Variants in WIF1 observed in about 807,000 individuals in gnomAD.
The protein encoded by WIF1 is Wnt inhibitory factor 1.
In WIF1, 35 loss-of-function variants were observed where a neutral mutation model predicts 53.5. The ratio of observed to expected loss-of-function variants is 0.65; its 90% CI spans 0.50 to 0.87. The LOEUF (loss-of-function observed/expected upper bound fraction) is 0.87, where lower values mean the gene tolerates loss of function less well. Ranked by LOEUF, WIF1 falls within the 40% of genes least tolerant of loss-of-function variation. The pLI is 0.00. For missense variants in WIF1, 467 were observed against 476.8 expected (o/e 0.98, Z 0.19); for synonymous variants, 171 against 170.4 (o/e 1.00, Z -0.03).
chr12:65,066,796 G>T, intron 5 of WIF1, 60 bp from the exon 6 acceptor site: 1 of 1,284,888 alleles, frequency 7.8e-7, no homozygotes, highest in Non-Finnish European at 1.1e-6. Context: ...GGACCATTTT[G>T]AAATGTCAAT....
intron 2 of WIF1, among the ~76,000 whole-genome samples, chr12:65,105,745 G>A (rs548034188): frequency 6.6e-6 from 1 of 152,086 alleles, no homozygotes; most frequent in Non-Finnish European, 1.5e-5. Context: ...GATTCATGAG[G>A]GATCTGCCCC....
At chr12:65,066,002 A>G (rs1242236386) in intron 6 of WIF1, among the ~76,000 whole-genome samples, 2 of 152,318 alleles carry the variant, frequency 1.3e-5, no homozygotes, top group East Asian at 1.9e-4. Context: ...AGGTTAGGCA[A>G]TGTAGAGCAG....
intron 2 of WIF1, among the ~76,000 whole-genome samples, chr12:65,092,442 A>ATATATGTATATATATACACATGTATATG (rs1565756840): frequency 5.3e-5 from 8 of 149,552 alleles, no homozygotes; most frequent in African/African-American, 9.9e-5. Flanking sequence ...ATGTGTATAT[A>ATATATGTATATATATACACATGTATATG]TATATGTATA....
intron 1 of WIF1, 135 bp from the exon 2 acceptor site, chr12:65,120,691 A>G: frequency 9.9e-7 from 1 of 1,011,154 alleles, no homozygotes; most frequent in Non-Finnish European, 1.4e-6. Context: ...CAGTACCATC[A>G]ACGCTACTAA....
At chr12:65,103,116 TG>T (rs1158068766) in intron 2 of WIF1, among the ~76,000 whole-genome samples, 1 of 152,250 alleles carries the variant, frequency 6.6e-6, no homozygotes, top group Non-Finnish European at 1.5e-5. Flanking sequence ...CTATAAATCA[TG>T]AACACACAAA....
At chr12:65,089,434 T>A (rs1170025955) in intron 2 of WIF1, among the ~76,000 whole-genome samples, 1 of 152,124 alleles carries the variant, frequency 6.6e-6, no homozygotes, top group African/African-American at 2.4e-5. Context: ...CCAGATTTAT[T>A]CCCTCAATCG....
chr12:65,097,545 T>A (rs1395168701), intron 2 of WIF1, among the ~76,000 whole-genome samples: 10 of 152,196 alleles, frequency 6.6e-5, no homozygotes, highest in Admixed American at 5.9e-4. Context: ...TAGATATTCC[T>A]GTTAGTGACT....
intron 7 of WIF1, among the ~76,000 whole-genome samples, chr12:65,061,728 A>G (rs1882615170): frequency 6.6e-6 from 1 of 152,244 alleles, no homozygotes; most frequent in Non-Finnish European, 1.5e-5. Flanking sequence ...CATAGTGTGT[A>G]CCAATCTTAA....
chr12:65,096,115 C>G (rs1044821926), intron 2 of WIF1, among the ~76,000 whole-genome samples: 1 of 152,108 alleles, frequency 6.6e-6, no homozygotes, highest in African/African-American at 2.4e-5. Context: ...TTGCAATATA[C>G]CCATCTGACA....
Position 65,056,068 on chromosome 12 carries a change from C to T in WIF1, c.885G>A (p.Lys295=). ...GGKCIGKSKC[K]CSKGYQGDLC... ...GGTCTCCCTGGTAACCTTTGGAACA[C>T]TTACATTTGCTTTTACCAATGCATT... is the stretch of plus-strand genomic sequence containing the variant. The change falls in exon 8 of 10, where the codon AAG becomes AAA. Residue 295 remains lysine, a synonymous_variant. Transcript: ENST00000286574. 1 of 1,614,158 alleles carries T rather than the reference C, an allele frequency of 6.2e-7. No individual in the cohort carries two copies. Among genetic ancestry groups the T allele is most frequent in the South Asian group, 1.1e-5 (1 of 91,080 alleles).
intron 2 of WIF1, among the ~76,000 whole-genome samples, chr12:65,090,072 A>G (rs1207226215): frequency 6.6e-6 from 1 of 152,320 alleles, no homozygotes; most frequent in East Asian, 1.9e-4. Context: ...TCAATGAAAC[A>G]GAAGTTCAAG....
At chr12:65,071,473 C>G (rs1188206803) in intron 3 of WIF1, among the ~76,000 whole-genome samples, 1 of 152,006 alleles carries the variant, frequency 6.6e-6, no homozygotes, top group Non-Finnish European at 1.5e-5. Flanking sequence ...TCTTCATTTT[C>G]TTAGTAAACC....
At chr12:65,100,366 C>G (rs992710382) in intron 2 of WIF1, among the ~76,000 whole-genome samples, 1 of 152,116 alleles carries the variant, frequency 6.6e-6, no homozygotes, top group African/African-American at 2.4e-5. Flanking sequence ...GTATAAAATT[C>G]CCACTGAGAA....
intron 6 of WIF1, 40 bp downstream of exon 6, chr12:65,066,601 A>G (rs1366200198): frequency 6.5e-7 from 1 of 1,534,586 alleles, no homozygotes; most frequent in Non-Finnish European, 8.9e-7. Flanking sequence ...CAAACATTTT[A>G]AAAGTAAAAA....
chr12:65,086,469 T>G (rs1592396328), intron 2 of WIF1, among the ~76,000 whole-genome samples: 1 of 152,102 alleles, frequency 6.6e-6, no homozygotes, highest in East Asian at 1.9e-4. Flanking sequence ...ACAAGTGGTG[T>G]GGTTGACACT....
intron 2 of WIF1, among the ~76,000 whole-genome samples, chr12:65,108,209 T>C (rs1364536558): frequency 6.6e-6 from 1 of 152,236 alleles, no homozygotes; most frequent in African/African-American, 2.4e-5. Flanking sequence ...GCAAGCATCA[T>C]ATCCAATTTA....
At chr12:65,072,574 C>T (rs1565751815) in intron 3 of WIF1, among the ~76,000 whole-genome samples, 1 of 152,054 alleles carries the variant, frequency 6.6e-6, no homozygotes, top group Non-Finnish European at 1.5e-5. Context: ...CAACCATATA[C>T]CTTGTGTGCA....
intron 2 of WIF1, among the ~76,000 whole-genome samples, chr12:65,116,313 G>A (rs571195011): frequency 1.3e-5 from 2 of 152,194 alleles, no homozygotes; most frequent in South Asian, 2.1e-4. Flanking sequence ...TCGCATTACC[G>A]CCTGAGCTCT....
At chr12:65,099,148 A>G (rs920704757) in intron 2 of WIF1, among the ~76,000 whole-genome samples, 8 of 152,222 alleles carry the variant, frequency 5.3e-5, no homozygotes, top group African/African-American at 1.7e-4. Context: ...CTAAGATCTA[A>G]TAAGCAATCT....
Sources: allele counts gnomAD v4.1 joint callset (sites outside exome capture counted in the v4.1 genomes callset), GRCh38; gene constraint gnomAD v4.1.1; transcripts MANE v1.5; gene names NCBI Gene and HGNC (gene_info 2026-07-23, HGNC 2026-07-21).